The following C5orf47 variants were observed in gnomAD, a reference collection of about 807,000 sequenced individuals.
C5orf47 encodes the protein chromosome 5 open reading frame 47.
C5orf47 carries 20 observed loss-of-function variants against 20.6 expected under a neutral mutation model. That is an observed-to-expected ratio of 0.97 (90% CI 0.68 to 1.41). The LOEUF (loss-of-function observed/expected upper bound fraction) is 1.41. C5orf47 is among the 40% of genes most tolerant of loss of function. The pLI, the probability that C5orf47 is intolerant of heterozygous loss-of-function variation, is 0.00. For missense variants in C5orf47, 262 were observed against 238.4 expected, an observed-to-expected ratio of 1.10 and a Z score of -0.65; for synonymous variants, 106 against 97.3, an observed-to-expected ratio of 1.09 and a Z score of -0.53.
chr5:174,009,089 A>G (rs147526689), downstream of C5orf47, among the ~76,000 whole-genome samples: 155 of 152,242 alleles, frequency 1.0e-3, no homozygotes, highest in Non-Finnish European at 1.8e-3. Context: ...TCCTCATATC[A>G]TCCACTTCGG....
chr5:173,989,602 G>A lies in C5orf47; in HGVS notation c.325+14G>A. 1.4e-6 allele frequency: 2 copies of A among 1,423,870 alleles called. No homozygotes were observed. The highest frequency in any genetic ancestry group is 1.8e-6 in the Non-Finnish European group (2 of 1,091,332). The allele number at this position is 1,423,870 out of a possible 1,614,324, so 88.2% of individuals were successfully genotyped here. ...CGGCGCGTGCAGGTGGTGCAGCGGG[G>A]CAGGGCGGGACCGGGCGCGGCGGGG... On this transcript the variant is annotated intron_variant, in intron 1 of 4. Coordinates refer to ENST00000340147, the MANE Select transcript of C5orf47 (RefSeq NM_001144954.2).
intron 1 of C5orf47, among the ~76,000 whole-genome samples, chr5:173,990,391 G>T (rs570079961): frequency 6.6e-6 from 1 of 152,024 alleles, no homozygotes; most frequent in Non-Finnish European, 1.5e-5. Context: ...ACAGCCCTGG[G>T]ATTACATGCA....
chr5:173,989,622 G>A (rs888742731), intron 1 of C5orf47, 34 bp downstream of exon 1: 4 of 1,382,678 alleles, frequency 2.9e-6, no homozygotes, highest in Non-Finnish European at 3.7e-6. Context: ...ACCGGGCGCG[G>A]CGGGGCGGGA....
At chr5:173,999,550 C>G (rs1470277406) in intron 2 of C5orf47, 150 bp from the exon 3 acceptor site, 5 of 397,262 alleles carry the variant, frequency 1.3e-5, no homozygotes, top group African/African-American at 2.1e-5. Flanking sequence ...AACAATTACA[C>G]TTAGGTTTTA....
At chr5:173,994,248 C>A (rs1449890391) in intron 1 of C5orf47, among the ~76,000 whole-genome samples, 1 of 152,160 alleles carries the variant, frequency 6.6e-6, no homozygotes, top group African/African-American at 2.4e-5. Context: ...TGCATCTCAT[C>A]GATTTGCAGA....
chr5:174,007,985 C>G (rs563841713), downstream of C5orf47, among the ~76,000 whole-genome samples: 160 of 152,228 alleles, frequency 1.1e-3, 5 homozygotes, highest in South Asian at 0.023. Context: ...ACAGGTGGCT[C>G]GTATACTGGA....
At chr5:174,000,313 C>T (rs1759172977) in intron 3 of C5orf47, among the ~76,000 whole-genome samples, 1 of 152,026 alleles carries the variant, frequency 6.6e-6, no homozygotes, top group Non-Finnish European at 1.5e-5. Flanking sequence ...AAACCGTGCT[C>T]TAAAGCACTA....
At chr5:174,001,297 C>A in intron 4 of C5orf47, 66 bp downstream of exon 4, 1 of 857,720 alleles carries the variant, frequency 1.2e-6, no homozygotes, top group South Asian at 1.6e-5. Context: ...TGTATCCTCC[C>A]TTCTCCAAAC....
intron 4 of C5orf47, among the ~76,000 whole-genome samples, chr5:174,003,260 A>T (rs541805744): frequency 6.6e-5 from 10 of 152,186 alleles, no homozygotes; most frequent in Non-Finnish European, 1.3e-4. Flanking sequence ...TTGTGGAAAG[A>T]TTTGGAATGG....
intron 1 of C5orf47, among the ~76,000 whole-genome samples, chr5:173,990,921 C>G (rs959778579): frequency 1.3e-5 from 2 of 152,182 alleles, no homozygotes; most frequent in African/African-American, 4.8e-5. Flanking sequence ...ACAATTCACC[C>G]GTTTTGCATG....
At chr5:173,998,675 G>A (rs1041981294) in intron 2 of C5orf47, among the ~76,000 whole-genome samples, 1 of 152,212 alleles carries the variant, frequency 6.6e-6, no homozygotes, top group Non-Finnish European at 1.5e-5. Context: ...ATGAGCCACT[G>A]CTGCTGAGCT....
chr5:173,999,869 C>A, intron 3 of C5orf47, 70 bp downstream of exon 3: 1 of 752,866 alleles, frequency 1.3e-6, no homozygotes, highest in Non-Finnish European at 2.2e-6. Flanking sequence ...CCTGGGATTG[C>A]ATGAGATCAG....
intron 1 of C5orf47, among the ~76,000 whole-genome samples, chr5:173,993,379 A>G (rs1023386355): frequency 6.6e-6 from 1 of 152,238 alleles, no homozygotes; most frequent in Non-Finnish European, 1.5e-5. Flanking sequence ...GCGGTGGCTC[A>G]TGCCTGTAAT....
chr5:173,993,368 C>T (rs1398920752), intron 1 of C5orf47, among the ~76,000 whole-genome samples: 2 of 152,090 alleles, frequency 1.3e-5, no homozygotes, highest in African/African-American at 2.4e-5. Flanking sequence ...AGGAGCCAGG[C>T]GCGGTGGCTC....
downstream of C5orf47, among the ~76,000 whole-genome samples, chr5:174,006,294 T>A (rs1759292639): frequency 6.6e-6 from 1 of 152,214 alleles, no homozygotes; most frequent in South Asian, 2.1e-4. Flanking sequence ...TATTTGCAAC[T>A]TACGGTTTGG....
Position 174,005,281 on chromosome 5 carries a change from G to C in C5orf47, c.*1027G>C, listed in dbSNP as rs1235848135. Reference sequence around the variant, plus strand: ...TTTTTTGGGGGCATTGAGAAGGTGGGCTTCCTAATTATTTTACAAAGGTAT... The same window carrying C: ...TTTTTTGGGGGCATTGAGAAGGTGGCCTTCCTAATTATTTTACAAAGGTAT... On this transcript the variant is annotated 3_prime_UTR_variant, in exon 5 of 5. Transcript: ENST00000340147. 1.3e-5 allele frequency: 2 copies of C among 152,106 alleles called. No individual in the cohort carries two copies. Among genetic ancestry groups the C allele is most frequent in the Admixed American group, 1.3e-4 (2 of 15,260 alleles). The allele number at this position is 152,106 out of a possible 1,614,324, so 9.4% of individuals were successfully genotyped here.
In C5orf47 at chr5:173,989,407, C is replaced by T; in HGVS notation, c.144C>T (p.Gly48=). 1 of 1,546,018 alleles carries T rather than the reference C, an allele frequency of 6.5e-7. No homozygotes were observed. The highest frequency in any genetic ancestry group is 8.7e-7 in the Non-Finnish European group (1 of 1,144,294). ...QGLWGQGPGA[G]CRQEKPREAM... ...TTTGGGGTCAGGGGCCTGGGGCAGG[C>T]TGTCGCCAGGAGAAGCCGAGGGAAG... Residue 48 remains glycine, a synonymous_variant, in exon 1 of 5, where the codon GGC becomes GGT. Coordinates refer to ENST00000340147, the MANE Select transcript of C5orf47 (RefSeq NM_001144954.2).
At chr5:174,007,761 T>C (rs972899842), downstream of C5orf47, among the ~76,000 whole-genome samples, 1 of 152,092 alleles carries the variant, frequency 6.6e-6, no homozygotes, top group Non-Finnish European at 1.5e-5. Context: ...GGTTTCACTG[T>C]ATTAGCCAGG....
Position 174,006,041 on chromosome 5 carries a change from A to G in C5orf47, c.*1787A>G, listed in dbSNP as rs1759287883. On this transcript the variant is annotated 3_prime_UTR_variant, in exon 5 of 5. Transcript: ENST00000340147. ...ACATAAGACTTTTCTTTACTGATAC[A>G]TCACTGAACATAAGCTGCAATACTT... 6.6e-6 allele frequency: 1 copy of G among 152,356 alleles called. No homozygotes were observed. The allele number at this position is 152,356 out of a possible 1,614,324, so 9.4% of individuals were successfully genotyped here. A position where few individuals can be genotyped will look rare whatever the true frequency, so the allele number is the denominator to read the frequency against.
Sources: allele counts gnomAD v4.1 joint callset (sites outside exome capture counted in the v4.1 genomes callset), GRCh38; gene constraint gnomAD v4.1.1; transcripts MANE v1.5; gene names NCBI Gene and HGNC (gene_info 2026-07-23, HGNC 2026-07-21).